The following RBFOX3 variants were observed in gnomAD, a reference collection of about 807,000 sequenced individuals.
The protein encoded by RBFOX3 is RNA binding fox-1 homolog 3, also known as RNA binding protein fox-1 homolog 3.
In RBFOX3, 17 loss-of-function variants were observed where a neutral mutation model predicts 48.7. The ratio of observed to expected loss-of-function variants is 0.35; its 90% CI spans 0.24 to 0.52. The LOEUF (loss-of-function observed/expected upper bound fraction) is 0.52, where lower values mean the gene tolerates loss of function less well. Among genes scored for constraint, RBFOX3 ranks in the 20% least tolerant of loss-of-function variants. The pLI, the probability that RBFOX3 is intolerant of heterozygous loss-of-function variation, is 0.94. For synonymous variants in RBFOX3, 212 were observed against 209.5 expected, an observed-to-expected ratio of 1.01 and a Z score of -0.10; for missense variants, 382 against 497.5, an observed-to-expected ratio of 0.77 and a Z score of 2.21.
At chr17:79,323,646 T>C (rs1387555924) in intron 2 of RBFOX3, among the ~76,000 whole-genome samples, 1 of 152,164 alleles carries the variant, frequency 6.6e-6, no homozygotes, top group Non-Finnish European at 1.5e-5. Context: ...GGCTCGGTCC[T>C]GACCTTTGTC....
chr17:79,248,130 C>T (rs2063426154), intron 3 of RBFOX3, among the ~76,000 whole-genome samples: 1 of 152,236 alleles, frequency 6.6e-6, no homozygotes, highest in Non-Finnish European at 1.5e-5. Context: ...CTCTCCTCTA[C>T]CTCCGGGGCA....
At chr17:79,255,671 C>G (rs890355800) in intron 3 of RBFOX3, among the ~76,000 whole-genome samples, 2 of 152,004 alleles carry the variant, frequency 1.3e-5, no homozygotes, top group African/African-American at 4.8e-5. Context: ...GCAGGGTGGC[C>G]GGTGCTCAGC....
chr17:79,252,691 G>T lies in RBFOX3; in HGVS notation c.-73-16886C>A, dbSNP rs2064157453. Among the ~76,000 whole-genome samples, 1 of 152,202 alleles carries T rather than the reference G, an allele frequency of 6.6e-6. No individual in the cohort carries two copies. Among genetic ancestry groups the T allele is most frequent in the Non-Finnish European group, 1.5e-5 (1 of 68,040 alleles). ...GTTTGCGACGGCGGCACCTAATGCGGTCCTCTTGGAAAGTTCTCAGCGTCA... is the reference window on the plus strand; with the variant it reads ...GTTTGCGACGGCGGCACCTAATGCGTTCCTCTTGGAAAGTTCTCAGCGTCA... On this transcript the variant is annotated intron_variant, in intron 3 of 14. Transcript: ENST00000693108. This position sits in a 1 kb window ranked among gnomAD's most constrained non-coding sequence, Gnocchi z 4.0.
chr17:79,262,192 G>A (rs767838457), intron 3 of RBFOX3, among the ~76,000 whole-genome samples: 1 of 152,246 alleles, frequency 6.6e-6, no homozygotes, highest in African/African-American at 2.4e-5. Context: ...CTAAGCGGCG[G>A]CCAGGCCAAG....
At chr17:79,159,757 C>T (rs2046572946) in intron 4 of RBFOX3, among the ~76,000 whole-genome samples, 1 of 152,178 alleles carries the variant, frequency 6.6e-6, no homozygotes, top group South Asian at 2.1e-4. Context: ...CACACATGTC[C>T]ACACTAAATC....
At chr17:79,571,821 G>A (rs1044796548) in intron 1 of RBFOX3, among the ~76,000 whole-genome samples, 1 of 152,110 alleles carries the variant, frequency 6.6e-6, no homozygotes, top group Non-Finnish European at 1.5e-5. Context: ...CCCTCAAGGA[G>A]GGAATGAGGT....
intron 3 of RBFOX3, among the ~76,000 whole-genome samples, chr17:79,287,685 C>A (rs1426480625): frequency 6.6e-6 from 1 of 152,158 alleles, no homozygotes; most frequent in Non-Finnish European, 1.5e-5. Flanking sequence ...TGTGCCGGCA[C>A]TGATGAGGTT....
chr17:79,320,770 C>T (rs1485709426), intron 2 of RBFOX3, among the ~76,000 whole-genome samples: 1 of 152,084 alleles, frequency 6.6e-6, no homozygotes, highest in East Asian at 1.9e-4. Flanking sequence ...TCTGTCTTCC[C>T]CCTAAAACCT....
chr17:79,432,086 C>T (rs1002978485), intron 2 of RBFOX3, among the ~76,000 whole-genome samples: 34 of 152,222 alleles, frequency 2.2e-4, no homozygotes, highest in African/African-American at 7.7e-4. Context: ...GGAGGCATCA[C>T]GTTTTCTGGC....
rs768136044 is a variant in RBFOX3, at chr17:79,090,865, A to G, written c.*18T>C. 6.6e-6 allele frequency: 10 copies of G among 1,522,654 alleles called. No individual in the cohort carries two copies. Among genetic ancestry groups the G allele is most frequent in the Non-Finnish European group, 8.8e-6 (10 of 1,136,716 alleles). 94.3% of individuals were successfully genotyped at this position (1,522,654 alleles called of 1,614,324 possible). ...TGTTTTTGCCCTTCATGGTCCGAGA[A>G]GGAAACGGTGGAAGGTTTCACTACA... On this transcript the variant is annotated 3_prime_UTR_variant, in exon 15 of 15. Transcript: ENST00000693108.
chr17:79,458,244 T>C (rs1316166981), intron 2 of RBFOX3, among the ~76,000 whole-genome samples: 1 of 152,254 alleles, frequency 6.6e-6, no homozygotes, highest in Non-Finnish European at 1.5e-5. Context: ...GCTCTGAATC[T>C]GTCAGGGCCT....
Position 79,590,163 on chromosome 17 carries a change from T to A in RBFOX3, c.-320+20663A>T, listed in dbSNP as rs967628841. Among the ~76,000 whole-genome samples, 979 of 151,872 alleles carry A rather than the reference T, an allele frequency of 6.4e-3. 13 individuals carry two copies. Among genetic ancestry groups the A allele is most frequent in the African/African-American group, 0.022 (917 of 41,376 alleles). On this transcript the variant is annotated intron_variant, in intron 1 of 14. Coordinates refer to ENST00000693108, the MANE Select transcript of RBFOX3 (RefSeq NM_001350451.2). ...CCCCAGGCCACACACTTCTTTACCA[T>A]CCCCATCCGTCCTATACCCAGGATA...
intron 2 of RBFOX3, among the ~76,000 whole-genome samples, chr17:79,347,434 C>T (rs919521613): frequency 6.6e-6 from 1 of 152,076 alleles, no homozygotes; most frequent in Non-Finnish European, 1.5e-5. Context: ...TATATGTCCT[C>T]TTCTATATTT....
At chr17:79,620,619 GCACATGCA>G in the RBFOX3 span, among the ~76,000 whole-genome samples, 1 of 97,942 alleles carries the variant, frequency 1.0e-5, no homozygotes, top group African/African-American at 4.4e-5. Context: ...ATGCACACAC[GCACATGCA>G]CACACGCACA....
chr17:79,121,561 A>G (rs2035747125), intron 4 of RBFOX3, among the ~76,000 whole-genome samples: 2 of 152,052 alleles, frequency 1.3e-5, no homozygotes, highest in Non-Finnish European at 2.9e-5. Flanking sequence ...CCATACTGAA[A>G]ATGCAATGTG....
intron 3 of RBFOX3, among the ~76,000 whole-genome samples, chr17:79,241,044 T>G (rs1161796150): frequency 1.3e-5 from 2 of 152,000 alleles, no homozygotes; most frequent in Non-Finnish European, 2.9e-5. Context: ...GGCACAATCA[T>G]AGCTCACTGC....
intron 1 of RBFOX3, among the ~76,000 whole-genome samples, chr17:79,538,871 T>C (rs957108290): frequency 2.0e-5 from 3 of 152,164 alleles, no homozygotes; most frequent in African/African-American, 7.2e-5. Flanking sequence ...GGCCCATATG[T>C]AAAGAGTGCC....
At chr17:79,432,440 A>C (rs559948657) in intron 2 of RBFOX3, among the ~76,000 whole-genome samples, 1 of 152,174 alleles carries the variant, frequency 6.6e-6, no homozygotes, top group African/African-American at 2.4e-5. Context: ...CCATACCCAC[A>C]TCAGTCACCT....
rs567315024 is a variant in RBFOX3, at chr17:79,334,532, T to C, written c.-174-26708A>G. Reference sequence around the variant, plus strand: ...TCTCCTCCTTACCTAGAGATGGGCTTCTTAACCCTTCGGGGCCCCTAGGAA... The same window carrying C: ...TCTCCTCCTTACCTAGAGATGGGCTCCTTAACCCTTCGGGGCCCCTAGGAA... On this transcript the variant is annotated intron_variant, in intron 2 of 14. Transcript: ENST00000693108. 1.4e-4 allele frequency among the ~76,000 whole-genome samples: 21 copies of C among 152,312 alleles called. No individual in the cohort carries two copies. In the South Asian group the frequency reaches 4.3e-3, roughly 32 times the overall value.
Sources: gnomAD v4.1 joint callset for allele counts (sites outside exome capture counted in the v4.1 genomes callset) on GRCh38, gnomAD v4.1.1 for gene constraint, Gnocchi (gnomAD v3.1) non-coding constraint, MANE v1.5 for transcripts, NCBI Gene and HGNC (gene_info 2026-07-23, HGNC 2026-07-21) for gene names.